Variants in ADIPOR2 observed in about 807,000 individuals in gnomAD.
ADIPOR2 encodes the protein adiponectin receptor protein 2.
In ADIPOR2, 18 loss-of-function variants were observed where a neutral mutation model predicts 40.9. The observed-to-expected ratio is 0.44, with a 90% CI of 0.30 to 0.65. The LOEUF is 0.65. Among genes scored for constraint, ADIPOR2 ranks in the 30% least tolerant of loss-of-function variants. The pLI is 0.09. For missense variants in ADIPOR2, 283 were observed against 479.2 expected (o/e 0.59, Z 3.82); for synonymous variants, 165 against 166.4 (o/e 0.99, Z 0.06).
chr12:1,726,090 G>A (rs1471524284), intron 1 of ADIPOR2, among the ~76,000 whole-genome samples: 1 of 152,328 alleles, frequency 6.6e-6, no homozygotes, highest in East Asian at 1.9e-4. Context: ...TCTTCAGGCA[G>A]AGAAAATTGC....
chr12:1,709,124 G>C (rs190278371), intron 1 of ADIPOR2, among the ~76,000 whole-genome samples: 1 of 152,238 alleles, frequency 6.6e-6, no homozygotes, highest in Admixed American at 6.5e-5. Context: ...GGTATTAATA[G>C]TGTCAGTTTC....
At chr12:1,752,954 T>C (rs1175461194) in intron 1 of ADIPOR2, among the ~76,000 whole-genome samples, 1 of 152,232 alleles carries the variant, frequency 6.6e-6, no homozygotes, top group East Asian at 1.9e-4. Context: ...AGGTTTGGTA[T>C]TCTTTAGATT....
chr12:1,745,355 A>C (rs2094752706), intron 1 of ADIPOR2, among the ~76,000 whole-genome samples: 1 of 152,180 alleles, frequency 6.6e-6, no homozygotes, highest in African/African-American at 2.4e-5. Flanking sequence ...CATTGAAGGC[A>C]CTGCTTTTGT....
At chr12:1,747,741 T>C (rs374724082) in intron 1 of ADIPOR2, among the ~76,000 whole-genome samples, 6 of 152,296 alleles carry the variant, frequency 3.9e-5, no homozygotes, top group South Asian at 2.1e-4. Context: ...TTGATTATGT[T>C]ATCTCATTGT....
chr12:1,784,481 T>C (rs1325532972), intron 7 of ADIPOR2, among the ~76,000 whole-genome samples: 2 of 152,264 alleles, frequency 1.3e-5, no homozygotes, highest in Non-Finnish European at 2.9e-5. Context: ...TTTTTGACAA[T>C]GGCAAGTCAT....
Position 1,786,443 on chromosome 12 carries a change from C to A in ADIPOR2, c.*371C>A, listed in dbSNP as rs562864824. ...GTGGTTCTTTCTTCTCCCTTTCTCT[C>A]TCTCTATGACAATAATACAAACCAA... On this transcript the variant is annotated 3_prime_UTR_variant, in exon 8 of 8. Transcript: ENST00000357103. 1 of 191,804 alleles carries A rather than the reference C, an allele frequency of 5.2e-6. No homozygotes were observed. Among genetic ancestry groups the A allele is most frequent in the South Asian group, 1.4e-4 (1 of 7,188 alleles). 11.9% of individuals were successfully genotyped at this position (191,804 alleles called of 1,614,324 possible).
intron 5 of ADIPOR2, 120 bp from the exon 6 acceptor site, chr12:1,780,769 C>G: frequency 2.9e-6 from 4 of 1,358,880 alleles, no homozygotes; most frequent in Middle Eastern, 2.7e-4. Flanking sequence ...AATTAAAGAG[C>G]AACCCAGTTT....
chr12:1,770,822 G>A (rs1862479678), intron 2 of ADIPOR2, among the ~76,000 whole-genome samples: 1 of 152,166 alleles, frequency 6.6e-6, no homozygotes, highest in African/African-American at 2.4e-5. Context: ...AAAGAAGTCA[G>A]AAGAAGTAGT....
At chr12:1,781,856 C>T (rs1407380381) in intron 6 of ADIPOR2, among the ~76,000 whole-genome samples, 2 of 152,324 alleles carry the variant, frequency 1.3e-5, no homozygotes, top group Admixed American at 1.3e-4. Flanking sequence ...ATGTCAGTGA[C>T]CACTGTTAAA....
chr12:1,725,262 T>C (rs940672282), intron 1 of ADIPOR2, among the ~76,000 whole-genome samples: 3 of 152,076 alleles, frequency 2.0e-5, no homozygotes, highest in East Asian at 1.9e-4. Flanking sequence ...GTTGGGATTA[T>C]AGGCATGCGC....
chr12:1,737,973 TTTCTC>T (rs2094734561), intron 1 of ADIPOR2, among the ~76,000 whole-genome samples: 1 of 152,166 alleles, frequency 6.6e-6, no homozygotes, highest in Non-Finnish European at 1.5e-5. Flanking sequence ...AATTGGTTCT[TTTCTC>T]TTCTACATAC....
intron 1 of ADIPOR2, among the ~76,000 whole-genome samples, chr12:1,735,729 G>A (rs970555357): frequency 6.6e-6 from 1 of 152,096 alleles, no homozygotes; most frequent in African/African-American, 2.4e-5. Context: ...ATTGGCTGTG[G>A]GTTTGTCATA....
intron 1 of ADIPOR2, among the ~76,000 whole-genome samples, chr12:1,721,592 G>A (rs2094698064): frequency 6.6e-6 from 1 of 152,174 alleles, no homozygotes; most frequent in Non-Finnish European, 1.5e-5. Context: ...GACAGATAAT[G>A]TCTCTACTCT....
Position 1,783,962 on chromosome 12 carries a change from C to CG in ADIPOR2, c.921_922insG (p.Ile308AspfsTer35), listed in dbSNP as rs1332684228. On this transcript the variant is annotated frameshift_variant, in exon 7 of 8. Coordinates refer to ENST00000357103, the MANE Select transcript of ADIPOR2 (RefSeq NM_024551.3). LOFTEE classifies it high-confidence loss of function. ...CGGAGGGGTTCCTTAAGGCCGCCAC[C>CG]ATAGGGCAGATAGGCTGGTTGATGC... 3 of 1,613,738 alleles carry CG rather than the reference C, an allele frequency of 1.9e-6. No homozygotes were observed. Among genetic ancestry groups the CG allele is most frequent in the Non-Finnish European group, 2.5e-6 (3 of 1,179,878 alleles).
At chr12:1,731,297 A>G (rs574247449) in intron 1 of ADIPOR2, among the ~76,000 whole-genome samples, 12 of 152,240 alleles carry the variant, frequency 7.9e-5, no homozygotes, top group African/African-American at 2.9e-4. Flanking sequence ...CAGCCTCCCA[A>G]AGTTCTGGGA....
intron 1 of ADIPOR2, among the ~76,000 whole-genome samples, chr12:1,741,409 A>G (rs1268285172): frequency 6.6e-6 from 1 of 152,202 alleles, no homozygotes; most frequent in Non-Finnish European, 1.5e-5. Flanking sequence ...AAATCCATGT[A>G]TTATTTACTA....
At position 1,714,068 on chromosome 12, in the gene ADIPOR2, G is replaced by A. The variant is rs548336924; in HGVS notation, c.-87+22877G>A. 2.6e-5 allele frequency among the ~76,000 whole-genome samples: 4 copies of A among 152,120 alleles called. No individual in the cohort carries two copies. In the South Asian group the frequency reaches 8.3e-4, roughly 32 times the overall value. On this transcript the variant is annotated intron_variant, in intron 1 of 7. Transcript: ENST00000357103. ...GCCCAGAGAACCTTTGTCCTTTGGG[G>A]CAGTGCACCTTCCAGTGATTGCCTT...
At chr12:1,728,142 C>T (rs1421673728) in intron 1 of ADIPOR2, among the ~76,000 whole-genome samples, 4 of 151,128 alleles carry the variant, frequency 2.6e-5, no homozygotes, top group South Asian at 4.2e-4. Flanking sequence ...GATGAAGTCT[C>T]GCTCTTGTCC....
chr12:1,713,367 A>G (rs1213647238), intron 1 of ADIPOR2, among the ~76,000 whole-genome samples: 4 of 152,152 alleles, frequency 2.6e-5, no homozygotes, highest in African/African-American at 9.7e-5. Context: ...TACTCCTAGA[A>G]TTGGGGTGTT....
Sources: allele counts gnomAD v4.1 joint callset (sites outside exome capture counted in the v4.1 genomes callset), GRCh38; gene constraint gnomAD v4.1.1; transcripts MANE v1.5; gene names NCBI Gene and HGNC (gene_info 2026-07-23, HGNC 2026-07-21).